The following AUTS2 variants were observed in gnomAD, a reference collection of about 807,000 sequenced individuals.
AUTS2 encodes the protein activator of transcription and developmental regulator AUTS2, also known as autism susceptibility gene 2 protein.
In AUTS2, 17 loss-of-function variants were observed where a neutral mutation model predicts 112.4. The observed-to-expected ratio is 0.15, with a 90% confidence interval of 0.10 to 0.23. The LOEUF (loss-of-function observed/expected upper bound fraction) is 0.23, where lower values mean the gene tolerates loss of function less well. AUTS2 is among the 10% of genes least tolerant of loss of function. The pLI is 1.00. For missense variants in AUTS2, 1,510 were observed against 1,701.6 expected, an observed-to-expected ratio of 0.89 and a Z score of 1.98; for synonymous variants, 751 against 702.7, an observed-to-expected ratio of 1.07 and a Z score of -1.09.
At chr7:70,776,766 C>CTA (rs1790725640) in intron 13 of AUTS2, 1 of 379,024 alleles carries the variant, frequency 2.6e-6, no homozygotes. Context: ...GGGCTTCCCA[C>CTA]TCTACCAGGT....
chr7:70,510,910 G>A (rs1231156637), intron 5 of AUTS2, among the ~76,000 whole-genome samples: 1 of 151,792 alleles, frequency 6.6e-6, no homozygotes, highest in Non-Finnish European at 1.5e-5. Context: ...GTGCGATGGC[G>A]CGATCTTGGC....
At chr7:69,838,318 G>A (rs139442310) in intron 1 of AUTS2, among the ~76,000 whole-genome samples, 2 of 152,224 alleles carry the variant, frequency 1.3e-5, no homozygotes, top group East Asian at 3.9e-4. Context: ...TGATGATGAT[G>A]ATGATAGCAG....
chr7:70,769,129 G>T (rs1335962495), intron 10 of AUTS2, among the ~76,000 whole-genome samples: 3 of 152,098 alleles, frequency 2.0e-5, no homozygotes, highest in Non-Finnish European at 4.4e-5. Context: ...TGAAAATTAT[G>T]TACTCTAGGG....
chr7:70,511,561 C>CTTTTTTTTT lies in AUTS2; in HGVS notation c.690+75801_690+75809dup, dbSNP rs3974587. Among the ~76,000 whole-genome samples, 97 of 70,114 alleles carry CTTTTTTTTT rather than the reference C, an allele frequency of 1.4e-3. 7 individuals carry two copies. The highest frequency in any genetic ancestry group is 2.3e-3 in the Admixed American group (11 of 4,718). 46.0% of individuals were successfully genotyped at this position (70,114 alleles called of 152,430 possible). The stretch of plus-strand genomic sequence containing the variant: ...TTCATTTTAAACTTTTTTTCATTTT[C>CTTTTTTTTT]TTTTTTTTTTTTTTTTTTTTTTTTT... On this transcript the variant is annotated intron_variant, in intron 5 of 18. Coordinates refer to ENST00000342771, the MANE Select transcript of AUTS2 (RefSeq NM_015570.4).
intron 4 of AUTS2, among the ~76,000 whole-genome samples, chr7:70,233,837 G>A (rs1232332285): frequency 6.6e-6 from 1 of 152,160 alleles, no homozygotes; most frequent in Non-Finnish European, 1.5e-5. Flanking sequence ...GAAATAAATC[G>A]GGCATGAAAT....
chr7:70,270,846 C>A (rs1399047338), intron 4 of AUTS2, among the ~76,000 whole-genome samples: 1 of 152,168 alleles, frequency 6.6e-6, no homozygotes, highest in Non-Finnish European at 1.5e-5. Context: ...GACATATCAT[C>A]TTTACCCTGC....
intron 1 of AUTS2, among the ~76,000 whole-genome samples, chr7:69,777,582 G>C (rs1187534425): frequency 6.6e-6 from 1 of 152,170 alleles, no homozygotes; most frequent in African/African-American, 2.4e-5. Context: ...TTTGAGCTCT[G>C]ATATCTAAGA....
At chr7:69,660,504 C>T (rs924160883) in intron 1 of AUTS2, among the ~76,000 whole-genome samples, 1 of 152,176 alleles carries the variant, frequency 6.6e-6, no homozygotes, top group Non-Finnish European at 1.5e-5. Context: ...TCTCTGGATG[C>T]AGATCCTAAC....
intron 1 of AUTS2, among the ~76,000 whole-genome samples, chr7:69,766,703 C>T (rs759053259): frequency 2.0e-5 from 3 of 152,116 alleles, no homozygotes; most frequent in Non-Finnish European, 4.4e-5. Flanking sequence ...CACTTTGGCC[C>T]TTTGTAGGTT....
In AUTS2 at chr7:70,604,475, T is replaced by C. The variant is rs117490847; in HGVS notation, c.691-94094T>C. On this transcript the variant is annotated intron_variant, in intron 5 of 18. Transcript: ENST00000342771. ...GCACCAGCCAGATTTGCGTTCAGCA[T>C]GCCCAATGATCAACATGCTGTTGAA... is the stretch of plus-strand genomic sequence containing the variant. Among the ~76,000 whole-genome samples, 571 of 152,356 alleles carry C rather than the reference T, an allele frequency of 3.7e-3. 3 individuals carry two copies. The highest frequency in any genetic ancestry group is 0.02 in the Middle Eastern group (6 of 294).
At chr7:70,611,491 T>C (rs1804090412) in intron 5 of AUTS2, among the ~76,000 whole-genome samples, 1 of 152,212 alleles carries the variant, frequency 6.6e-6, no homozygotes, top group African/African-American at 2.4e-5. Flanking sequence ...CTAGGCTGCC[T>C]ACCGTGGGGC....
intron 5 of AUTS2, among the ~76,000 whole-genome samples, chr7:70,522,009 G>C (rs1585250862): frequency 6.6e-6 from 1 of 152,140 alleles, no homozygotes; most frequent in Non-Finnish European, 1.5e-5. Flanking sequence ...AGTAAATACA[G>C]AATAAGGGGT....
At chr7:70,008,953 G>T (rs1799668344) in intron 2 of AUTS2, among the ~76,000 whole-genome samples, 1 of 152,096 alleles carries the variant, frequency 6.6e-6, no homozygotes, top group Non-Finnish European at 1.5e-5. Flanking sequence ...TGAGATAGCT[G>T]GGGGCTTTAC....
At chr7:70,301,642 CCAGT>C (rs1203193800) in intron 4 of AUTS2, among the ~76,000 whole-genome samples, 2 of 152,068 alleles carry the variant, frequency 1.3e-5, no homozygotes, top group East Asian at 3.9e-4. Flanking sequence ...AAATAACTTT[CCAGT>C]CAGTCAATTT....
At chr7:70,487,255 T>A (rs190864045) in intron 5 of AUTS2, among the ~76,000 whole-genome samples, 2,481 of 151,916 alleles carry the variant, frequency 0.016, 68 homozygotes, top group African/African-American at 0.057. Context: ...CAACCCTCCA[T>A]AGTGTGCTCC....
chr7:70,487,896 A>G (rs1193992474), intron 5 of AUTS2, among the ~76,000 whole-genome samples: 3 of 152,206 alleles, frequency 2.0e-5, no homozygotes, highest in African/African-American at 7.2e-5. Flanking sequence ...CATGTCTTTA[A>G]CCGTTAAAAT....
chr7:70,615,603 T>TGTTGTTGTTGTTGGA (rs1323089481), intron 5 of AUTS2, among the ~76,000 whole-genome samples: 2 of 148,604 alleles, frequency 1.3e-5, no homozygotes, highest in African/African-American at 4.9e-5. Flanking sequence ...TTGTTGTTGT[T>TGTTGTTGTTGTTGGA]GGAAAAGCAT....
chr7:70,091,322 A>C (rs887039841), intron 2 of AUTS2, among the ~76,000 whole-genome samples: 3 of 152,092 alleles, frequency 2.0e-5, no homozygotes, highest in African/African-American at 7.2e-5. Context: ...TCTTGTGCTT[A>C]GGGTTCTTTG....
Position 69,973,246 on chromosome 7 carries a change from C to T in AUTS2, c.522+73748C>T, listed in dbSNP as rs1352151005. Among the ~76,000 whole-genome samples the T allele has an allele frequency of 2.6e-5, 4 of 152,140 alleles. No individual in the cohort carries two copies. In the East Asian group the frequency reaches 7.7e-4, roughly 29 times the overall value. ...ATTTTACATGCATATTGTTAGTATA[C>T]AGAATACAACTTATTTTCAAATGTT... On this transcript the variant is annotated intron_variant, in intron 2 of 18. Coordinates refer to ENST00000342771, the MANE Select transcript of AUTS2 (RefSeq NM_015570.4).
Sources: allele counts gnomAD v4.1 joint callset (sites outside exome capture counted in the v4.1 genomes callset), GRCh38; gene constraint gnomAD v4.1.1; transcripts MANE v1.5; gene names NCBI Gene and HGNC (gene_info 2026-07-23, HGNC 2026-07-21).